The following PTH2R variants were observed in gnomAD, a reference collection of about 807,000 sequenced individuals.
PTH2R encodes PTH2 receptor.
In PTH2R, 59 loss-of-function variants were observed where a neutral mutation model predicts 60.3. The observed-to-expected ratio is 0.98, with a 90% CI of 0.79 to 1.22. The LOEUF is 1.22. PTH2R is among the 50% of genes most tolerant of loss of function. The probability of loss-of-function intolerance (pLI) is 0.00; values close to 1 mark genes in which losing one functional copy is unlikely to be tolerated. For missense variants in PTH2R, 749 were observed against 682.6 expected (o/e 1.10, Z -1.08); for synonymous variants, 256 against 243.8 (o/e 1.05, Z -0.47).
At chr2:208,399,269 G>C (rs1701265399) in intron 1 of PTH2R, among the ~76,000 whole-genome samples, 2 of 152,100 alleles carry the variant, frequency 1.3e-5, no homozygotes, top group Non-Finnish European at 2.9e-5. Context: ...TCAGGGAAGG[G>C]TTAACTCAGT....
At position 208,489,104 on chromosome 2, in the gene PTH2R, G is replaced by A. The variant is rs763953951; in HGVS notation, c.1169G>A (p.Gly390Glu). ...VCLPHSFTGL[G>E]WEIRMHCELF... ...CTGCCTCACTCCTTCACTGGGCTCGGGTGGGAGATCCGCATGCACTGTGAG... is the reference window on the plus strand; with the variant it reads ...CTGCCTCACTCCTTCACTGGGCTCGAGTGGGAGATCCGCATGCACTGTGAG... The change falls in exon 11 of 13, where the codon GGG becomes GAG. Residue 390 changes from glycine (G) to glutamate (E), a missense_variant. Physicochemically the swap from Gly to Glu is moderately conservative, Grantham distance 98. Transcript: ENST00000272847. 1.2e-6 allele frequency: 2 copies of A among 1,614,104 alleles called. No individual in the cohort carries two copies. The highest frequency in any genetic ancestry group is 3.3e-5 in the Admixed American group (2 of 60,018).
chr2:208,434,643 A>C (rs1702038630), intron 2 of PTH2R, among the ~76,000 whole-genome samples: 1 of 152,204 alleles, frequency 6.6e-6, no homozygotes, highest in South Asian at 2.1e-4. Flanking sequence ...CTAATTACCG[A>C]GAAATAAGAA....
chr2:208,424,021 T>C (rs193092227), intron 1 of PTH2R, among the ~76,000 whole-genome samples: 9 of 152,144 alleles, frequency 5.9e-5, no homozygotes, highest in Admixed American at 1.3e-4. Context: ...GGGGTATGAG[T>C]GCTGCTCCTC....
rs561405842 is a variant in PTH2R, at chr2:208,373,080, C to T, written c.-259+12843C>T. ...TAGCATGGGTGACAGAGTGAGACCC[C>T]GTCTCAAATAAATAAATAAATAAAT... On this transcript the variant is annotated intron_variant, in intron 1 of 12. Transcript: ENST00000617735. Among the ~76,000 whole-genome samples, 128 of 151,976 alleles carry T rather than the reference C, an allele frequency of 8.4e-4. 2 individuals are homozygous for T. The highest frequency in any genetic ancestry group is 3.0e-3 in the African/African-American group (125 of 41,370).
intron 1 of PTH2R, among the ~76,000 whole-genome samples, chr2:208,413,791 A>C (rs1246109964): frequency 6.6e-6 from 1 of 152,244 alleles, no homozygotes; most frequent in Non-Finnish European, 1.5e-5. Flanking sequence ...CTCAACAGTC[A>C]AAGACAGAAT....
In PTH2R at chr2:208,444,795, T is replaced by A; in HGVS notation, c.761T>A (p.Ile254Asn). 3 of 1,613,914 alleles carry A rather than the reference T, an allele frequency of 1.9e-6. No homozygotes were observed. The highest frequency in any genetic ancestry group is 2.5e-6 in the Non-Finnish European group (3 of 1,179,846). Residue 254 changes from isoleucine to asparagine, a missense_variant, in exon 7 of 13, where the codon ATC becomes AAC. Transcript: ENST00000272847. ...IYFLATNYYW[I>N]LVEGLYLHNL... ...TTCCTGGCTACAAATTATTATTGGA[T>A]CCTGGTGGAAGGTCTCTACCTGCAT...
At chr2:208,484,281 C>T (rs1023763745) in intron 10 of PTH2R, among the ~76,000 whole-genome samples, 1 of 152,186 alleles carries the variant, frequency 6.6e-6, no homozygotes. Context: ...CATAAAATCC[C>T]TTAGTTGGCA....
At chr2:208,437,028 G>C (rs940338285) in intron 2 of PTH2R, among the ~76,000 whole-genome samples, 2 of 152,192 alleles carry the variant, frequency 1.3e-5, no homozygotes, top group Non-Finnish European at 2.9e-5. Flanking sequence ...ATCTTGAGAA[G>C]AGTAGAGTTC....
intron 1 of PTH2R, among the ~76,000 whole-genome samples, chr2:208,370,042 C>G (rs1381749521): frequency 1.3e-5 from 2 of 152,032 alleles, no homozygotes; most frequent in Non-Finnish European, 1.5e-5. Context: ...AAAATTGTGT[C>G]CTAGATATGC....
chr2:208,449,339 T>C (rs1261976869), intron 7 of PTH2R, among the ~76,000 whole-genome samples: 2 of 152,152 alleles, frequency 1.3e-5, no homozygotes, highest in African/African-American at 4.8e-5. Context: ...AGAATATAAG[T>C]TTTAGAAAAC....
At chr2:208,399,437 T>C (rs551614696) in intron 1 of PTH2R, among the ~76,000 whole-genome samples, 43 of 152,246 alleles carry the variant, frequency 2.8e-4, no homozygotes, top group African/African-American at 1.0e-3. Flanking sequence ...CTGTACCAGT[T>C]TGACCAGGTA....
intron 12 of PTH2R, 150 bp from the exon 13 acceptor site, chr2:208,493,113 TG>T (rs1473245007): frequency 1.2e-6 from 1 of 825,960 alleles, no homozygotes; most frequent in African/African-American, 1.7e-5. Flanking sequence ...TTTTTGAGGT[TG>T]AGAGAAAGTC....
intron 10 of PTH2R, among the ~76,000 whole-genome samples, chr2:208,486,191 A>C (rs555502648): frequency 1.3e-5 from 2 of 152,326 alleles, no homozygotes; most frequent in South Asian, 4.1e-4. Flanking sequence ...AGAGAGAACA[A>C]ATGAGTATTG....
intron 1 of PTH2R, among the ~76,000 whole-genome samples, chr2:208,367,493 T>C (rs1334987732): frequency 6.8e-6 from 1 of 146,556 alleles, no homozygotes; most frequent in South Asian, 2.2e-4. Context: ...CAATCTCGGC[T>C]CACTGCAACC....
chr2:208,405,935 A>G (rs1020575510), upstream of PTH2R, among the ~76,000 whole-genome samples: 6 of 152,174 alleles, frequency 3.9e-5, no homozygotes, highest in African/African-American at 1.4e-4. Flanking sequence ...CAGCACTTTG[A>G]TCTTGGACTT....
Position 208,428,226 on chromosome 2 carries a change from T to C in PTH2R, c.101T>C (p.Ile34Thr), listed in dbSNP as rs1167521558. Reference protein sequence around the residue: ...AQLDSDGTITIEEQIVLVLKA... With the variant: ...AQLDSDGTITTEEQIVLVLKA... ...CTGGATTCTGATGGCACCATTACTA[T>C]AGAGGAGCAGATTGTCCTTGTGCTG... is the stretch of plus-strand genomic sequence containing the variant. Residue 34 changes from isoleucine (I) to threonine (T), a missense_variant, in exon 2 of 13, where the codon ATA becomes ACA. By Grantham distance (89) the Ile-to-Thr change is moderately conservative (BLOSUM62 -1). Coordinates refer to ENST00000272847, the MANE Select transcript of PTH2R (RefSeq NM_005048.4). 2.5e-6 allele frequency: 4 copies of C among 1,613,020 alleles called. No individual in the cohort carries two copies. The highest frequency in any genetic ancestry group is 2.7e-5 in the African/African-American group (2 of 74,912).
intron 9 of PTH2R, among the ~76,000 whole-genome samples, chr2:208,465,141 A>G (rs781608345): frequency 7.9e-5 from 12 of 151,702 alleles, no homozygotes; most frequent in Non-Finnish European, 1.5e-4. Flanking sequence ...ATGCCCGGCT[A>G]ATTTTTGTAT....
intron 8 of PTH2R, among the ~76,000 whole-genome samples, chr2:208,454,672 A>G (rs888045365): frequency 1.3e-5 from 2 of 152,280 alleles, no homozygotes; most frequent in African/African-American, 4.8e-5. Context: ...CTTATGATAA[A>G]GAAAAGGTAA....
At chr2:208,454,644 G>A (rs1008564540) in intron 8 of PTH2R, among the ~76,000 whole-genome samples, 61 of 152,298 alleles carry the variant, frequency 4.0e-4, no homozygotes, top group African/African-American at 1.3e-3. Flanking sequence ...GCTATCACAC[G>A]TCAAGCAGAT....
Sources: gnomAD v4.1 joint callset for allele counts (sites outside exome capture counted in the v4.1 genomes callset) on GRCh38, gnomAD v4.1.1 for gene constraint, MANE v1.5 for transcripts, NCBI Gene and HGNC (gene_info 2026-07-23, HGNC 2026-07-21) for gene names.